The following MYO9B variants were observed in gnomAD, a reference collection of about 807,000 sequenced individuals.
The protein encoded by MYO9B is unconventional myosin-IXb.
MYO9B carries 71 observed loss-of-function variants against 229.5 expected under a neutral mutation model. The ratio of observed to expected loss-of-function variants is 0.31; its 90% CI spans 0.26 to 0.38. The LOEUF is 0.38. Among genes scored for constraint, MYO9B ranks in the 10% least tolerant of loss-of-function variants. MYO9B has a pLI of 1.00. For missense variants in MYO9B, 2,255 were observed against 2,920.5 expected (o/e 0.77, Z 5.25); for synonymous variants, 1,185 against 1,235.8 (o/e 0.96, Z 0.86).
chr19:17,196,494 C>G (rs1048352746), intron 22 of MYO9B, among the ~76,000 whole-genome samples: 2 of 151,978 alleles, frequency 1.3e-5, no homozygotes, highest in African/African-American at 4.8e-5. Flanking sequence ...ACCAGCCTGG[C>G]CAACATAGTG....
chr19:17,089,374 G>A (rs2057615200), intron 1 of MYO9B, among the ~76,000 whole-genome samples: 1 of 152,146 alleles, frequency 6.6e-6, no homozygotes, highest in Non-Finnish European at 1.5e-5. Flanking sequence ...TGTAATGCTA[G>A]TTAGCCTTCC....
Position 17,153,397 on chromosome 19 carries a change from A to AAAAAAG in MYO9B, c.999-567_999-566insAAGAAA, listed in dbSNP as rs2072501861. Among the ~76,000 whole-genome samples the AAAAAAG allele has an allele frequency of 5.3e-5, 8 of 151,280 alleles. No homozygotes were observed. The South Asian group carries it at 1.7e-3, about 32-fold the overall frequency. On this transcript the variant is annotated intron_variant, in intron 4 of 39. Coordinates refer to ENST00000682292, the MANE Select transcript of MYO9B (RefSeq NM_004145.4). ...CCTTGTCTCTTTTAAAAAAAAAAAA[A>AAAAAAG]AAAGAAAGGCCTGGAGCAGTGGCTC...
intron 13 of MYO9B, 148 bp from the exon 14 acceptor site, chr19:17,175,515 G>A: frequency 1.9e-6 from 1 of 538,672 alleles, no homozygotes; most frequent in East Asian, 3.5e-5. Context: ...GGAGGCAGAA[G>A]TTGCAGTGGG....
rs766488012 is a variant in MYO9B at position 17,194,979 on chromosome 19, G to C, written c.3552G>C (p.Gln1184His). 1.9e-6 allele frequency: 3 copies of C among 1,613,348 alleles called. No homozygotes were observed. The highest frequency in any genetic ancestry group is 3.3e-5 in the Admixed American group (2 of 60,024). ...ALREPSRRVTQEQGVSLLEDK... is the reference protein window; with the variant it reads ...ALREPSRRVTHEQGVSLLEDK... The stretch of plus-strand genomic sequence containing the variant: ...GAGAACCTTCCAGAAGGGTCACCCA[G>C]GAGCAAGGGGTGAGTCTCCTGGAAG... The change falls in exon 22 of 40, where the codon CAG becomes CAC. Residue 1184 changes from glutamine (Q) to histidine (H), a missense_variant. This residue lies in a region of MYO9B where 679 missense variants were observed against 770.2 expected (regional missense o/e 0.88). Transcript: ENST00000682292.
rs1346288795 is a variant in MYO9B, at chr19:17,180,769, GA to G, written c.2220-157del. On this transcript the variant is annotated intron_variant, in intron 14 of 39. Coordinates refer to ENST00000682292, the MANE Select transcript of MYO9B (RefSeq NM_004145.4). Reference sequence around the variant, plus strand: ...CAGTCCCCATTTCTGGCAAAAGAGAGAGGGGCAGCATTGAGCACAGTGTCTT... The same window carrying G: ...CAGTCCCCATTTCTGGCAAAAGAGAGGGGGCAGCATTGAGCACAGTGTCTT... 2.3e-5 allele frequency: 13 copies of G among 557,170 alleles called. No individual in the cohort carries two copies. The Admixed American group carries it at 4.6e-4, about 20-fold the overall frequency. The allele number at this position is 557,170 out of a possible 1,614,324, so 34.5% of individuals were successfully genotyped here.
intron 3 of MYO9B, among the ~76,000 whole-genome samples, chr19:17,147,561 A>AAC (rs1423944231): frequency 6.8e-6 from 1 of 147,930 alleles, no homozygotes; most frequent in African/African-American, 2.5e-5. Context: ...AAAAAAAAAA[A>AAC]CCCAACAACC....
chr19:17,126,143 T>C (rs2058016068), intron 2 of MYO9B, among the ~76,000 whole-genome samples: 1 of 152,198 alleles, frequency 6.6e-6, no homozygotes, highest in African/African-American at 2.4e-5. Context: ...CTGAGCTCTG[T>C]TGAAAGCATC....
At chr19:17,155,042 G>A (rs2072521903) in intron 6 of MYO9B, among the ~76,000 whole-genome samples, 1 of 152,048 alleles carries the variant, frequency 6.6e-6, no homozygotes, top group Admixed American at 6.6e-5. Context: ...CAAGGCAACA[G>A]GACCACTTAA....
At position 17,121,986 on chromosome 19, in the gene MYO9B, C is replaced by CA. The variant is rs78785498; in HGVS notation, c.840+19443dup. 9.3e-3 allele frequency among the ~76,000 whole-genome samples: 1,239 copies of CA among 133,240 alleles called. 6 individuals carry two copies. The highest frequency in any genetic ancestry group is 0.016 in the African/African-American group (576 of 35,908). The allele number at this position is 133,240 out of a possible 152,430, so 87.4% of individuals were successfully genotyped here. On this transcript the variant is annotated intron_variant, in intron 2 of 39. Transcript: ENST00000682292. ...GGGCGACAGGAATGCAACCCTGTCT[C>CA]AAAAAAAAAAAAAAGTACTGGAAGT...
chr19:17,082,639 A>G (rs77086218), intron 1 of MYO9B, among the ~76,000 whole-genome samples: 37 of 152,194 alleles, frequency 2.4e-4, no homozygotes, highest in African/African-American at 8.4e-4. Context: ...GGCAAGGGGT[A>G]GCTTGCCCAC....
chr19:17,199,707 T>C (rs1275069648), intron 24 of MYO9B, among the ~76,000 whole-genome samples: 1 of 149,312 alleles, frequency 6.7e-6, no homozygotes, highest in African/African-American at 2.5e-5. Context: ...TTTCTTTTTT[T>C]TTTTTTTTGT....
rs371761726 is a variant in MYO9B, at chr19:17,188,780, A to G, written c.2688+735A>G. Among the ~76,000 whole-genome samples, 30 of 152,288 alleles carry G rather than the reference A, an allele frequency of 2.0e-4. 1 individual carries two copies. Among genetic ancestry groups the G allele is most frequent in the Admixed American group, 5.2e-4 (8 of 15,270 alleles). ...GTAATCCCAACACTTTGGGAGGCCA[A>G]TGCAGGAGGATCAATTGAGCCTAGG... On this transcript the variant is annotated intron_variant, in intron 19 of 39. Coordinates refer to ENST00000682292, the MANE Select transcript of MYO9B (RefSeq NM_004145.4).
chr19:17,124,173 G>A (rs1347143969), intron 2 of MYO9B, among the ~76,000 whole-genome samples: 2 of 152,070 alleles, frequency 1.3e-5, no homozygotes, highest in African/African-American at 4.8e-5. Context: ...ACTGGTGTGA[G>A]CCACCACACC....
intron 11 of MYO9B, among the ~76,000 whole-genome samples, chr19:17,170,434 C>T (rs914916551): frequency 6.6e-6 from 1 of 151,916 alleles, no homozygotes; most frequent in African/African-American, 2.4e-5. Context: ...GAGGCACATC[C>T]CCTGCCTCAA....
chr19:17,211,309 T>C (rs144068925), intron 38 of MYO9B, among the ~76,000 whole-genome samples: 48 of 152,164 alleles, frequency 3.2e-4, no homozygotes, highest in African/African-American at 1.1e-3. Flanking sequence ...TCTTTCTCTG[T>C]CACCCAGGCT....
At chr19:17,154,122 G>A (rs1428083563) in intron 5 of MYO9B, 56 bp downstream of exon 5, 17 of 1,531,936 alleles carry the variant, frequency 1.1e-5, no homozygotes, top group Non-Finnish European at 1.4e-5. Context: ...GCCTCAAGCT[G>A]TTTATGTATA....
intron 2 of MYO9B, among the ~76,000 whole-genome samples, chr19:17,133,791 C>T (rs968614102): frequency 3.3e-5 from 5 of 151,260 alleles, no homozygotes; most frequent in African/African-American, 4.9e-5. Context: ...GCGGAGGTCT[C>T]GCTCTGTCAC....
intron 1 of MYO9B, among the ~76,000 whole-genome samples, chr19:17,088,856 C>G (rs1335786766): frequency 6.6e-6 from 1 of 151,982 alleles, no homozygotes; most frequent in Non-Finnish European, 1.5e-5. Flanking sequence ...ATGCCCGGCT[C>G]ATTTTTTATT....
At chr19:17,089,199 T>C (rs1273787342) in intron 1 of MYO9B, among the ~76,000 whole-genome samples, 2 of 151,990 alleles carry the variant, frequency 1.3e-5, no homozygotes, top group African/African-American at 4.8e-5. Context: ...CCCTGACCAA[T>C]AGGCTGACTT....
Sources: allele counts gnomAD v4.1 joint callset (sites outside exome capture counted in the v4.1 genomes callset), GRCh38; gene constraint gnomAD v4.1.1; regional missense constraint gnomAD v4.1.1; transcripts MANE v1.5; gene names NCBI Gene and HGNC (gene_info 2026-07-23, HGNC 2026-07-21).